The following CEACAM4 variants were observed in gnomAD, a reference collection of about 807,000 sequenced individuals.
The protein encoded by CEACAM4 is CEA cell adhesion molecule 4, also known as cell adhesion molecule CEACAM4.
A neutral mutation model predicts 28.7 loss-of-function variants in CEACAM4; 30 were observed. That is an observed-to-expected ratio of 1.05 (90% CI 0.78 to 1.42). The LOEUF (loss-of-function observed/expected upper bound fraction) is 1.42. Ranked by LOEUF, CEACAM4 falls within the 40% of genes most tolerant of loss-of-function variation. The pLI, the probability that CEACAM4 is intolerant of heterozygous loss-of-function variation, is 0.00. For synonymous variants in CEACAM4, 143 were observed against 126.5 expected (o/e 1.13, Z -0.87); for missense variants, 330 against 308.2 (o/e 1.07, Z -0.53).
At chr19:41,618,103 T>C (rs1414810332), downstream of CEACAM4, among the ~76,000 whole-genome samples, 2 of 149,586 alleles carry the variant, frequency 1.3e-5, no homozygotes, top group Non-Finnish European at 3.0e-5. Flanking sequence ...AGTGAACCTA[T>C]ATGAGATCAT....
chr19:41,620,678 T>C, intron 3 of CEACAM4, 51 bp from the exon 4 acceptor site: 2 of 1,477,424 alleles, frequency 1.4e-6, no homozygotes, highest in Non-Finnish European at 1.9e-6. Context: ...ATCACAGGTT[T>C]AGGGGCAGAA....
At position 41,620,224 on chromosome 19, in the gene CEACAM4, C is replaced by T; in HGVS notation, c.614G>A (p.Arg205Lys). ...GAACAGGCTTACCGAGAAGGTGGAT[C>T]TGTGAGAGGGACCATGGCCTGGGGA... The part of the protein sequence containing the change: ...ASTPGHGPSH[R>K]STFSAPLPSP... Residue 205 changes from arginine (R) to lysine (K), a missense_variant, in exon 5 of 7, where the codon AGA becomes AAA. Coordinates refer to ENST00000221954, the MANE Select transcript of CEACAM4 (RefSeq NM_001817.4). The T allele has an allele frequency of 6.7e-7, 1 of 1,489,348 alleles. No individual in the cohort carries two copies. The highest frequency in any genetic ancestry group is 8.9e-7 in the Non-Finnish European group (1 of 1,124,802). 92.3% of individuals were successfully genotyped at this position (1,489,348 alleles called of 1,614,324 possible). A position where few individuals can be genotyped will look rare whatever the true frequency, so the allele number is the denominator to read the frequency against.
intron 1 of CEACAM4, 24 bp downstream of exon 1, chr19:41,626,876 A>G: frequency 6.2e-7 from 1 of 1,603,088 alleles, no homozygotes; most frequent in Non-Finnish European, 8.5e-7. Flanking sequence ...TCTTCCCACC[A>G]CTCCCAGAGA....
At position 41,621,666 on chromosome 19, in the gene CEACAM4, A is replaced by G. The variant is rs1555801568; in HGVS notation, c.527T>C (p.Leu176Pro). Residue 176 changes from leucine to proline, a missense_variant, in exon 3 of 7, where the codon CTC becomes CCC. Coordinates refer to ENST00000221954, the MANE Select transcript of CEACAM4 (RefSeq NM_001817.4). ...GCTGCGGTACCTTCCAGTCCTGGAG[A>G]GAAGCAGAAAACACACCAGGGCGGC... ...LVAALVCFLL[L>P]SRTGRASIQR... The G allele has an allele frequency of 1.1e-5, 17 of 1,600,714 alleles. No homozygotes were observed. The East Asian group carries it at 3.8e-4, about 36-fold the overall frequency.
chr19:41,616,032 T>C (rs1049083479), downstream of CEACAM4, among the ~76,000 whole-genome samples: 2 of 152,186 alleles, frequency 1.3e-5, no homozygotes, highest in East Asian at 3.9e-4. Context: ...GGATTCTTTT[T>C]GTTTTGTTTT....
At chr19:41,613,639 G>A in the CEACAM4 span, among the ~76,000 whole-genome samples, 2 of 152,058 alleles carry the variant, frequency 1.3e-5, no homozygotes, top group African/African-American at 4.8e-5. Flanking sequence ...ATTGTCCTCA[G>A]GGAGTTTTAA....
At chr19:41,617,988 C>T (rs1365638219), downstream of CEACAM4, among the ~76,000 whole-genome samples, 1 of 94,118 alleles carries the variant, frequency 1.1e-5, no homozygotes, top group Non-Finnish European at 2.7e-5. Flanking sequence ...TACCTCTCAT[C>T]TCAGGACGAA....
At chr19:41,623,774 TAAG>T (rs1408005393) in intron 2 of CEACAM4, among the ~76,000 whole-genome samples, 2 of 152,162 alleles carry the variant, frequency 1.3e-5, no homozygotes, top group Non-Finnish European at 2.9e-5. Flanking sequence ...CTGAACTTGC[TAAG>T]AAGAACAGAT....
rs1555800971 is a variant in CEACAM4 at position 41,620,634 on chromosome 19, A to G, written c.543-7T>C. On this transcript the variant is annotated splice_polypyrimidine_tract_variant and splice_region_variant and intron_variant, in intron 3 of 6. Coordinates refer to ENST00000221954, the MANE Select transcript of CEACAM4 (RefSeq NM_001817.4). ...GTCACGCTGGATGCTGGCCCTAGGA[A>G]AGGTCAGGATTATTCATGAGGGTGC... The G allele has an allele frequency of 1.2e-6, 2 of 1,612,172 alleles. No homozygotes were observed. Among genetic ancestry groups the G allele is most frequent in the Non-Finnish European group, 1.7e-6 (2 of 1,178,840 alleles).
chr19:41,623,993 G>A (rs935644507), intron 2 of CEACAM4, among the ~76,000 whole-genome samples: 1 of 152,112 alleles, frequency 6.6e-6, no homozygotes, highest in Non-Finnish European at 1.5e-5. Context: ...GCTCCCAGGG[G>A]CAGATTTAGG....
At position 41,626,964 on chromosome 19, in the gene CEACAM4, G is replaced by T. The variant is rs1421506555; in HGVS notation, c.-1C>A. ...GGGGAGCGGCTGAGGGGGGGCCCAT[G>T]GTCTCTGCTGCCTGCTTGTCCTCTG... is the stretch of plus-strand genomic sequence containing the variant. On this transcript the variant is annotated 5_prime_UTR_variant, in exon 1 of 7. Coordinates refer to ENST00000221954, the MANE Select transcript of CEACAM4 (RefSeq NM_001817.4). The T allele has an allele frequency of 9.4e-6, 15 of 1,603,116 alleles. No individual in the cohort carries two copies. Among genetic ancestry groups the T allele is most frequent in the Non-Finnish European group, 1.3e-5 (15 of 1,174,528 alleles).
At position 41,626,924 on chromosome 19, in the gene CEACAM4, G is replaced by C; in HGVS notation, c.40C>G (p.Pro14Ala). 1.2e-6 allele frequency: 2 copies of C among 1,608,748 alleles called. No homozygotes were observed. The highest frequency in any genetic ancestry group is 8.5e-7 in the Non-Finnish European group (1 of 1,177,376). ...PSAAPRGGHR[P>A]WQGLLITASL... Reference sequence around the variant, plus strand: ...CCTGTGATCAGGAGCCCCTGCCAGGGCCTGTGCCCTCCACGGGGAGCGGCT... The same window carrying C: ...CCTGTGATCAGGAGCCCCTGCCAGGCCCTGTGCCCTCCACGGGGAGCGGCT... Residue 14 changes from proline to alanine, a missense_variant, in exon 1 of 7, where the codon CCC becomes GCC. Coordinates refer to ENST00000221954, the MANE Select transcript of CEACAM4 (RefSeq NM_001817.4).
chr19:41,617,328 G>A (rs1363634561), downstream of CEACAM4, among the ~76,000 whole-genome samples: 2 of 152,198 alleles, frequency 1.3e-5, no homozygotes, highest in African/African-American at 4.8e-5. Flanking sequence ...GGGTGCTGGG[G>A]ATGTTAATGC....
downstream of CEACAM4, among the ~76,000 whole-genome samples, chr19:41,615,879 G>T (rs1444269344): frequency 2.0e-5 from 3 of 152,196 alleles, no homozygotes; most frequent in Non-Finnish European, 2.9e-5. Flanking sequence ...TAGGACCAGA[G>T]ATGCCTCTGT....
chr19:41,623,562 T>C (rs2071453028), intron 2 of CEACAM4, among the ~76,000 whole-genome samples: 1 of 151,584 alleles, frequency 6.6e-6, no homozygotes, highest in Non-Finnish European at 1.5e-5. Context: ...AGGGGTTCTG[T>C]GGTCCTGGAT....
chr19:41,625,290 C>G (rs1320910545), intron 2 of CEACAM4, among the ~76,000 whole-genome samples: 1 of 152,152 alleles, frequency 6.6e-6, no homozygotes, highest in African/African-American at 2.4e-5. Context: ...CAGGCCAGGC[C>G]CTGACCCAGT....
In CEACAM4 at chr19:41,619,781, C is replaced by T. The variant is rs536429294; in HGVS notation, c.628-70G>A. 4.7e-4 allele frequency: 629 copies of T among 1,327,818 alleles called. 4 individuals are homozygous for T. The highest frequency in any genetic ancestry group is 9.8e-5 in the Non-Finnish European group (96 of 977,964). 82.3% of individuals were successfully genotyped at this position (1,327,818 alleles called of 1,614,324 possible). On this transcript the variant is annotated intron_variant, in intron 5 of 6. Transcript: ENST00000221954. Reference sequence around the variant, plus strand: ...TCACGGAAGCCCAGCCTGGAAGGTTCCTGTCTCTGATCGGCCAGGACTTAC... The same window carrying T: ...TCACGGAAGCCCAGCCTGGAAGGTTTCTGTCTCTGATCGGCCAGGACTTAC...
chr19:41,621,844 G>A (rs2071313307), intron 2 of CEACAM4, 76 bp from the exon 3 acceptor site: 3 of 828,254 alleles, frequency 3.6e-6, no homozygotes, highest in South Asian at 1.5e-5. Context: ...TTGCAGGGCA[G>A]GGGCATAGTC....
the CEACAM4 span, among the ~76,000 whole-genome samples, chr19:41,613,637 C>T: frequency 6.6e-6 from 1 of 152,064 alleles, no homozygotes; most frequent in East Asian, 1.9e-4. Flanking sequence ...AGATTGTCCT[C>T]AGGGAGTTTT....
Sources: allele counts gnomAD v4.1 joint callset (sites outside exome capture counted in the v4.1 genomes callset), GRCh38; gene constraint gnomAD v4.1.1; transcripts MANE v1.5; gene names NCBI Gene and HGNC (gene_info 2026-07-23, HGNC 2026-07-21).